Variants in GABRG3 observed in about 807,000 individuals in gnomAD.
GABRG3 encodes gamma-aminobutyric acid receptor subunit gamma-3.
In GABRG3, 25 loss-of-function variants were observed where a neutral mutation model predicts 48.8. That is an observed-to-expected ratio of 0.51 (90% CI 0.37 to 0.72). The LOEUF is 0.72. Among genes scored for constraint, GABRG3 ranks in the 30% least tolerant of loss-of-function variants. GABRG3 has a pLI of 0.00. For synonymous variants in GABRG3, 227 were observed against 217.6 expected (o/e 1.04, Z -0.38); for missense variants, 394 against 577.9 (o/e 0.68, Z 3.26).
chr15:26,971,625 A>G (rs778710082), intron 1 of GABRG3, 37 bp downstream of exon 1: 1 of 1,517,640 alleles, frequency 6.6e-7, no homozygotes, highest in African/African-American at 1.4e-5. Flanking sequence ...GGAGGCCCCG[A>G]GCTGGGCGAC....
intron 3 of GABRG3, among the ~76,000 whole-genome samples, chr15:27,243,526 T>C (rs1048253803): frequency 6.6e-6 from 1 of 152,112 alleles, no homozygotes; most frequent in Non-Finnish European, 1.5e-5. Context: ...CATATTTGGC[T>C]TCCTGGGGTT....
At chr15:27,137,601 AT>A (rs1296365289) in intron 3 of GABRG3, among the ~76,000 whole-genome samples, 3 of 152,188 alleles carry the variant, frequency 2.0e-5, no homozygotes, top group Non-Finnish European at 4.4e-5. Context: ...ATGAAGCCTA[AT>A]GTATAACATG....
At chr15:27,308,016 A>G (rs1364166238) in intron 3 of GABRG3, among the ~76,000 whole-genome samples, 1 of 140,082 alleles carries the variant, frequency 7.1e-6, no homozygotes, top group Non-Finnish European at 1.5e-5. Flanking sequence ...AAACGTATAT[A>G]TAAAATAAAC....
chr15:27,515,089 TTTG>T (rs150373896), intron 6 of GABRG3, among the ~76,000 whole-genome samples: 14,061 of 151,448 alleles, frequency 0.093, 1,409 homozygotes, highest in African/African-American at 0.26. Context: ...TCTTAATTTT[TTTG>T]TTTTTTTTGA....
chr15:27,203,756 A>C (rs772924961), intron 3 of GABRG3, among the ~76,000 whole-genome samples: 9 of 151,906 alleles, frequency 5.9e-5, no homozygotes, highest in Non-Finnish European at 1.2e-4. Flanking sequence ...GTGGTATCTC[A>C]TTGTGGTTTT....
intron 5 of GABRG3, among the ~76,000 whole-genome samples, chr15:27,333,414 G>A (rs374941909): frequency 2.6e-4 from 40 of 152,140 alleles, no homozygotes; most frequent in African/African-American, 8.4e-4. Flanking sequence ...ATTCCATAAC[G>A]TGGGTCCCCT....
intron 2 of GABRG3, among the ~76,000 whole-genome samples, chr15:27,004,002 G>A (rs1248934927): frequency 4.7e-5 from 7 of 148,146 alleles, no homozygotes; most frequent in East Asian, 2.1e-4. Flanking sequence ...CCTCCCTCCC[G>A]GACGGGGCGG....
rs967784226 is a variant in GABRG3, at chr15:27,307,731, A to G, written c.271-19078A>G. On this transcript the variant is annotated intron_variant, in intron 3 of 9. Coordinates refer to ENST00000615808, the MANE Select transcript of GABRG3 (RefSeq NM_033223.5). ...TAAACCTATAGGTTTATATATAAATATATAATCATAGGTTTATATATAAAC... is the reference window on the plus strand; with the variant it reads ...TAAACCTATAGGTTTATATATAAATGTATAATCATAGGTTTATATATAAAC... 3.0e-5 allele frequency among the ~76,000 whole-genome samples: 4 copies of G among 132,088 alleles called. No homozygotes were observed. In the South Asian group the frequency reaches 7.1e-4, roughly 24 times the overall value. The allele number at this position is 132,088 out of a possible 152,430, so 86.7% of individuals were successfully genotyped here.
intron 2 of GABRG3, among the ~76,000 whole-genome samples, chr15:26,988,688 T>G (rs987529917): frequency 1.3e-5 from 2 of 152,146 alleles, no homozygotes; most frequent in African/African-American, 4.8e-5. Context: ...GATCTTTTTA[T>G]TTTTCTTTCT....
chr15:27,328,977 C>A, intron 5 of GABRG3, 89 bp downstream of exon 5: 1 of 1,069,930 alleles, frequency 9.3e-7, no homozygotes, highest in Non-Finnish European at 1.4e-6. Flanking sequence ...TGTGATTGAT[C>A]ACAGTGTCCC....
At chr15:27,127,952 G>A (rs1019681744) in intron 3 of GABRG3, among the ~76,000 whole-genome samples, 19 of 152,178 alleles carry the variant, frequency 1.2e-4, no homozygotes, top group African/African-American at 3.9e-4. Flanking sequence ...GTGATAAAGC[G>A]TCTCCTCAGT....
intron 6 of GABRG3, among the ~76,000 whole-genome samples, chr15:27,485,859 A>G (rs947236434): frequency 1.3e-5 from 2 of 152,220 alleles, no homozygotes; most frequent in African/African-American, 4.8e-5. Context: ...AGGCTAAAGA[A>G]AAACAGGAAG....
intron 5 of GABRG3, among the ~76,000 whole-genome samples, chr15:27,406,727 G>A (rs771973769): frequency 1.3e-5 from 2 of 152,094 alleles, no homozygotes; most frequent in Non-Finnish European, 2.9e-5. Flanking sequence ...AACGTCAAGA[G>A]GGTACTAGCA....
At chr15:27,254,770 G>C (rs1170471090) in intron 3 of GABRG3, among the ~76,000 whole-genome samples, 1 of 152,088 alleles carries the variant, frequency 6.6e-6, no homozygotes, top group African/African-American at 2.4e-5. Context: ...ATTTGGGGGG[G>C]ACACAAACAC....
chr15:27,372,518 A>G (rs760256728), intron 5 of GABRG3, among the ~76,000 whole-genome samples: 3 of 152,058 alleles, frequency 2.0e-5, no homozygotes, highest in African/African-American at 4.8e-5. Flanking sequence ...TCAGCCTCCC[A>G]AGTACCTGGG....
At chr15:27,093,390 G>A (rs1270747911) in intron 3 of GABRG3, among the ~76,000 whole-genome samples, 4 of 152,106 alleles carry the variant, frequency 2.6e-5, no homozygotes, top group Non-Finnish European at 5.9e-5. Flanking sequence ...AGCGTATGAA[G>A]CACTGAACAG....
intron 5 of GABRG3, among the ~76,000 whole-genome samples, chr15:27,341,823 C>T (rs1327900371): frequency 6.6e-6 from 1 of 152,182 alleles, no homozygotes; most frequent in Non-Finnish European, 1.5e-5. Context: ...GCAGCATGCT[C>T]TGCCCTGGCT....
intron 3 of GABRG3, among the ~76,000 whole-genome samples, chr15:27,201,215 A>C (rs903616199): frequency 3.2e-4 from 48 of 151,872 alleles, no homozygotes; most frequent in African/African-American, 1.2e-3. Context: ...CAGCTGCAGG[A>C]CACAGCTTCC....
chr15:27,348,277 C>T lies in GABRG3; in HGVS notation c.574+19389C>T, dbSNP rs138341469. On this transcript the variant is annotated intron_variant, in intron 5 of 9. Coordinates refer to ENST00000615808, the MANE Select transcript of GABRG3 (RefSeq NM_033223.5). The stretch of plus-strand genomic sequence containing the variant: ...TATTGGAAGCAGTAAGAATCTCATG[C>T]TGGTGCAATGAAGGAACCAAGCTGC... Among the ~76,000 whole-genome samples the T allele has an allele frequency of 5.6e-3, 858 of 152,158 alleles. 10 individuals carry two copies. The highest frequency in any genetic ancestry group is 0.02 in the African/African-American group (817 of 41,490).
Sources: gnomAD v4.1 joint callset for allele counts (sites outside exome capture counted in the v4.1 genomes callset) on GRCh38, gnomAD v4.1.1 for gene constraint, MANE v1.5 for transcripts, NCBI Gene and HGNC (gene_info 2026-07-23, HGNC 2026-07-21) for gene names.